YEATS4: variants seen among roughly 807,000 people sequenced by gnomAD.
The protein encoded by YEATS4 is YEATS domain-containing protein 4.
A neutral mutation model predicts 30.1 loss-of-function variants in YEATS4; 17 were observed. That is an observed-to-expected ratio of 0.56 (90% confidence interval 0.39 to 0.85). The LOEUF is 0.85. Ranked by LOEUF, YEATS4 falls within the 40% of genes least tolerant of loss-of-function variation. The pLI, the probability that YEATS4 is intolerant of heterozygous loss-of-function variation, is 0.00. For missense variants in YEATS4, 142 were observed against 268.3 expected (o/e 0.53, Z 3.29); for synonymous variants, 85 against 87.5 (o/e 0.97, Z 0.16).
chr12:69,411,436 C>T, the YEATS4 span, among the ~76,000 whole-genome samples: 1 of 152,172 alleles, frequency 6.6e-6, no homozygotes, highest in Non-Finnish European at 1.5e-5. Flanking sequence ...GGCCCAGGTA[C>T]TGTTATAAGT....
At chr12:69,368,391 A>G (rs1399302966) in intron 4 of YEATS4, among the ~76,000 whole-genome samples, 1 of 152,228 alleles carries the variant, frequency 6.6e-6, no homozygotes, top group Admixed American at 6.5e-5. Flanking sequence ...AAGAATTTTC[A>G]AACACCACTC....
chr12:69,375,946 C>G (rs1181754861), intron 6 of YEATS4, among the ~76,000 whole-genome samples: 1 of 152,132 alleles, frequency 6.6e-6, no homozygotes, highest in Admixed American at 6.5e-5. Context: ...TCAGATTGTT[C>G]ACTGTTGGCA....
chr12:69,375,312 G>A (rs1435127481), intron 6 of YEATS4, among the ~76,000 whole-genome samples: 39 of 150,060 alleles, frequency 2.6e-4, no homozygotes, highest in Non-Finnish European at 4.6e-4. Context: ...ATGGGGCGGC[G>A]GGGCAGAGGC....
intron 6 of YEATS4, among the ~76,000 whole-genome samples, chr12:69,383,231 G>A (rs1456409357): frequency 2.6e-5 from 4 of 152,000 alleles, no homozygotes; most frequent in Non-Finnish European, 4.4e-5. Flanking sequence ...GTGACTGCAC[G>A]CCAGACTGAA....
intron 6 of YEATS4, among the ~76,000 whole-genome samples, chr12:69,386,612 C>T (rs1327569120): frequency 2.0e-5 from 3 of 152,044 alleles, no homozygotes; most frequent in South Asian, 2.1e-4. Context: ...TCTAACAAAG[C>T]GCATATCATT....
Position 69,359,942 on chromosome 12 carries a change from C to G in YEATS4, c.-31C>G, listed in dbSNP as rs1875117875. 6.2e-7 allele frequency: 1 copy of G among 1,611,788 alleles called. No homozygotes were observed. The highest frequency in any genetic ancestry group is 8.5e-7 in the Non-Finnish European group (1 of 1,178,872). ...ACCCCGCCAGCCCCGGTCTCTTTCC[C>G]TGGCGGCGGCGGCTTCTTCCGTGGG... is the stretch of plus-strand genomic sequence containing the variant. On this transcript the variant is annotated 5_prime_UTR_variant, in exon 1 of 7. Coordinates refer to ENST00000247843, the MANE Select transcript of YEATS4 (RefSeq NM_006530.4).
chr12:69,377,132 A>T (rs1270098150), intron 6 of YEATS4, among the ~76,000 whole-genome samples: 1 of 151,758 alleles, frequency 6.6e-6, no homozygotes, highest in Non-Finnish European at 1.5e-5. Flanking sequence ...CAGAAAACCA[A>T]CTTCTTGTTT....
the YEATS4 span, among the ~76,000 whole-genome samples, chr12:69,404,809 T>C: frequency 6.6e-5 from 10 of 152,160 alleles, no homozygotes. Context: ...TCTGTGGCCA[T>C]GTTTATATTA....
Position 69,372,537 on chromosome 12 carries a change from G to GTTT in YEATS4, c.514+1575_514+1577dup, listed in dbSNP as rs71094710. Among the ~76,000 whole-genome samples, 4 of 123,040 alleles carry GTTT rather than the reference G, an allele frequency of 3.3e-5. 1 individual carries two copies. The highest frequency in any genetic ancestry group is 3.3e-5 in the Non-Finnish European group (2 of 61,186). 80.7% of individuals were successfully genotyped at this position (123,040 alleles called of 152,430 possible). A position where few individuals can be genotyped will look rare whatever the true frequency, so the allele number is the denominator to read the frequency against. On this transcript the variant is annotated intron_variant, in intron 6 of 6. Coordinates refer to ENST00000247843, the MANE Select transcript of YEATS4 (RefSeq NM_006530.4). ...CTACTCTGTTTTCTGTATCTCATGA[G>GTTT]TTTTTTTTTTTTTTTGAGACAGAGC...
chr12:69,395,745 A>C (rs1714225522), downstream of YEATS4, among the ~76,000 whole-genome samples: 1 of 152,234 alleles, frequency 6.6e-6, no homozygotes, highest in Non-Finnish European at 1.5e-5. Context: ...AAGAAATTAA[A>C]CATGACCTGT....
At chr12:69,364,417 T>C in intron 2 of YEATS4, 1 of 180,078 alleles carries the variant, frequency 5.6e-6, no homozygotes, top group East Asian at 1.7e-4. Context: ...ACATTACTAT[T>C]GAATGTGACT....
chr12:69,362,324 G>C (rs1875254106), intron 1 of YEATS4, among the ~76,000 whole-genome samples: 1 of 147,986 alleles, frequency 6.8e-6, no homozygotes, highest in Admixed American at 6.9e-5. Context: ...TTTTAATACT[G>C]ATTAAACACG....
chr12:69,383,064 T>G (rs904995388), intron 6 of YEATS4, among the ~76,000 whole-genome samples: 4 of 152,094 alleles, frequency 2.6e-5, no homozygotes, highest in Non-Finnish European at 4.4e-5. Context: ...ACTTCAAGAC[T>G]AGCCTGAGCA....
chr12:69,366,018 TAA>T lies in YEATS4; in HGVS notation c.333+135_333+136del, dbSNP rs553838715. 1.6e-4 allele frequency: 105 copies of T among 639,280 alleles called. 3 individuals are homozygous for T. The South Asian group carries it at 3.8e-3, about 23-fold the overall frequency. The allele number at this position is 639,280 out of a possible 1,614,324, so 39.6% of individuals were successfully genotyped here. A position where few individuals can be genotyped will look rare whatever the true frequency, so the allele number is the denominator to read the frequency against. ...TGGCACAGTGTATCTTGCCATGAGT[TAA>T]GTTTTTCATTTTTAAATGTAGCGCC... On this transcript the variant is annotated intron_variant, in intron 4 of 6. Transcript: ENST00000247843.
chr12:69,400,075 A>T, the YEATS4 span, among the ~76,000 whole-genome samples: 2 of 152,146 alleles, frequency 1.3e-5, no homozygotes, highest in Non-Finnish European at 2.9e-5. Context: ...AACCTTGTGA[A>T]TATACTAAAA....
the YEATS4 span, among the ~76,000 whole-genome samples, chr12:69,404,420 G>T: frequency 0.025 from 3,732 of 152,300 alleles, 143 homozygotes; most frequent in African/African-American, 0.083. Context: ...GATTAAAGCT[G>T]TTTTCTCAGA....
chr12:69,388,220 C>T (rs1477399527), intron 6 of YEATS4, among the ~76,000 whole-genome samples: 1 of 152,120 alleles, frequency 6.6e-6, no homozygotes, highest in African/African-American at 2.4e-5. Flanking sequence ...GCCACCATGC[C>T]CAGCTAATTT....
chr12:69,391,932 T>G (rs11177643), downstream of YEATS4, among the ~76,000 whole-genome samples: 61,066 of 152,060 alleles, frequency 0.4, 12,567 homozygotes, highest in Non-Finnish European at 0.46. Flanking sequence ...ACTTCATGCA[T>G]GCATACAAGG....
At chr12:69,418,659 G>T in the YEATS4 span, among the ~76,000 whole-genome samples, 1 of 152,120 alleles carries the variant, frequency 6.6e-6, no homozygotes, top group Non-Finnish European at 1.5e-5. Context: ...TCCCTTGGTA[G>T]AATCTATCCC....
Sources: allele counts gnomAD v4.1 joint callset (sites outside exome capture counted in the v4.1 genomes callset), GRCh38; gene constraint gnomAD v4.1.1; transcripts MANE v1.5; gene names NCBI Gene and HGNC (gene_info 2026-07-23, HGNC 2026-07-21).